WWOX: variants seen among roughly 807,000 people sequenced by gnomAD.
The protein encoded by WWOX is WW domain-containing oxidoreductase.
WWOX carries 69 observed loss-of-function variants against 46.2 expected under a neutral mutation model. The observed-to-expected ratio is 1.49, with a 90% CI of 1.23 to 1.82. The LOEUF (loss-of-function observed/expected upper bound fraction) is 1.82. Ranked by LOEUF, WWOX falls within the 40% of genes most tolerant of loss-of-function variation. The pLI is 0.00. For synonymous variants in WWOX, 359 were observed against 202.6 expected (o/e 1.77, Z -6.56); for missense variants, 919 against 542.6 (o/e 1.69, Z -6.89).
intron 4 of WWOX, among the ~76,000 whole-genome samples, chr16:78,130,990 A>G (rs2033570321): frequency 6.6e-6 from 1 of 152,254 alleles, no homozygotes; most frequent in Admixed American, 6.5e-5. Context: ...TGTTGCTTCC[A>G]GGCTGCAAAC....
intron 8 of WWOX, among the ~76,000 whole-genome samples, chr16:79,110,182 A>T (rs891912010): frequency 6.6e-6 from 1 of 152,150 alleles, no homozygotes; most frequent in African/African-American, 2.4e-5. Context: ...TCACCCATGA[A>T]CATCTGTCAG....
intron 8 of WWOX, among the ~76,000 whole-genome samples, chr16:79,095,889 G>C (rs1275304297): frequency 7.2e-6 from 1 of 138,544 alleles, no homozygotes; most frequent in Non-Finnish European, 1.5e-5. Context: ...TTTTAAGACA[G>C]AGTCTTGCTC....
chr16:78,856,965 A>G (rs1014353834), intron 8 of WWOX, among the ~76,000 whole-genome samples: 7 of 152,210 alleles, frequency 4.6e-5, no homozygotes, highest in African/African-American at 1.7e-4. Flanking sequence ...CATGTACAGC[A>G]TGTTTCTGTC....
At chr16:78,726,187 T>C (rs1221308887) in intron 8 of WWOX, among the ~76,000 whole-genome samples, 1 of 149,062 alleles carries the variant, frequency 6.7e-6, no homozygotes, top group East Asian at 2.0e-4. Flanking sequence ...TCTCTCTCTC[T>C]CTTTCCTTCC....
intron 3 of WWOX, among the ~76,000 whole-genome samples, chr16:78,113,940 A>G (rs995277043): frequency 5.3e-5 from 8 of 151,720 alleles, no homozygotes; most frequent in African/African-American, 1.9e-4. Context: ...ACACACACAT[A>G]CTTTTAAAAT....
chr16:78,179,754 C>G (rs1401071965), intron 5 of WWOX: 1 of 152,092 alleles, frequency 6.6e-6, no homozygotes, highest in East Asian at 1.9e-4. Flanking sequence ...GATGAAATGC[C>G]ACAGGGATGT....
At chr16:78,803,174 G>A (rs954416962) in intron 8 of WWOX, among the ~76,000 whole-genome samples, 1 of 151,404 alleles carries the variant, frequency 6.6e-6, no homozygotes, top group Non-Finnish European at 1.5e-5. Flanking sequence ...CACACAACAA[G>A]TCAGTTCTTA....
chr16:78,652,130 G>C (rs1173381509), intron 8 of WWOX, among the ~76,000 whole-genome samples: 2 of 151,880 alleles, frequency 1.3e-5, no homozygotes, highest in African/African-American at 4.8e-5. Flanking sequence ...AGATGTTTGG[G>C]GCTGGGCGTG....
chr16:78,250,508 A>G (rs2037955923), intron 5 of WWOX, among the ~76,000 whole-genome samples: 1 of 152,020 alleles, frequency 6.6e-6, no homozygotes, highest in South Asian at 2.1e-4. Flanking sequence ...TATTGTAAGG[A>G]CTGCTTATTG....
chr16:79,147,216 C>G (rs7193157), intron 8 of WWOX, among the ~76,000 whole-genome samples: 44,742 of 152,158 alleles, frequency 0.29, 6,911 homozygotes, highest in East Asian at 0.42. Context: ...ACAAAATTCC[C>G]TTGCGTTGCC....
At chr16:78,168,858 TA>T (rs2035059039) in intron 5 of WWOX, among the ~76,000 whole-genome samples, 1 of 152,212 alleles carries the variant, frequency 6.6e-6, no homozygotes, top group Non-Finnish European at 1.5e-5. Context: ...TATATGTAAT[TA>T]CTATGACTAC....
At chr16:78,889,243 C>T (rs191767783) in intron 8 of WWOX, among the ~76,000 whole-genome samples, 171 of 152,224 alleles carry the variant, frequency 1.1e-3, no homozygotes, top group Non-Finnish European at 1.3e-3. Flanking sequence ...AATACAGCTC[C>T]ACTCATTCAT....
At chr16:79,210,744 G>A (rs1387507066) in intron 8 of WWOX, among the ~76,000 whole-genome samples, 3 of 151,972 alleles carry the variant, frequency 2.0e-5, no homozygotes, top group Non-Finnish European at 4.4e-5. Flanking sequence ...GTGATTTCTT[G>A]CCCTCTTTAT....
chr16:78,230,851 C>A (rs2037239510), intron 5 of WWOX, among the ~76,000 whole-genome samples: 2 of 152,204 alleles, frequency 1.3e-5, no homozygotes, highest in Admixed American at 6.5e-5. Context: ...TATATATTTT[C>A]CACACATTTA....
intron 5 of WWOX, chr16:78,270,062 C>T (rs2079445093): frequency 6.6e-6 from 1 of 151,942 alleles, no homozygotes; most frequent in South Asian, 2.1e-4. Flanking sequence ...TTTGATCTCA[C>T]TGGTATTTGA....
At chr16:78,684,831 A>G (rs751869402) in intron 8 of WWOX, among the ~76,000 whole-genome samples, 19 of 152,226 alleles carry the variant, frequency 1.2e-4, no homozygotes, top group African/African-American at 4.6e-4. Flanking sequence ...TTATAGCTTC[A>G]GAAAAGAGGG....
At chr16:78,835,119 A>T (rs1597695222) in intron 8 of WWOX, among the ~76,000 whole-genome samples, 1 of 152,182 alleles carries the variant, frequency 6.6e-6, no homozygotes, top group East Asian at 1.9e-4. Context: ...ATCTTAAGGT[A>T]ATATATGGGC....
At chr16:78,771,695 C>T (rs954596665) in intron 8 of WWOX, among the ~76,000 whole-genome samples, 1 of 151,922 alleles carries the variant, frequency 6.6e-6, no homozygotes, top group Admixed American at 6.6e-5. Flanking sequence ...TTGCTTGAGC[C>T]TAGGAGGTGG....
rs145827551 is a variant in WWOX at position 79,112,785 on chromosome 16, G to A, written c.1057-98823G>A. On this transcript the variant is annotated intron_variant, in intron 8 of 8. Transcript: ENST00000566780. ...AGGAGAGAAATCATCTAGTTTCGCC[G>A]CCTCGTTTTACAGATGAGGAAACTG... Among the ~76,000 whole-genome samples, 335 of 152,190 alleles carry A rather than the reference G, an allele frequency of 2.2e-3. 3 individuals are homozygous for A. Among genetic ancestry groups the A allele is most frequent in the Middle Eastern group, 0.01 (3 of 294 alleles).
Sources: allele counts gnomAD v4.1 joint callset (sites outside exome capture counted in the v4.1 genomes callset), GRCh38; gene constraint gnomAD v4.1.1; transcripts MANE v1.5; gene names NCBI Gene and HGNC (gene_info 2026-07-23, HGNC 2026-07-21).